UVRAG: variants seen among roughly 807,000 people sequenced by gnomAD.
UVRAG encodes UV radiation resistance associated.
In UVRAG, 19 loss-of-function variants were observed where a neutral mutation model predicts 78.0. The ratio of observed to expected loss-of-function variants is 0.24; its 90% confidence interval spans 0.17 to 0.36. The LOEUF (loss-of-function observed/expected upper bound fraction) is 0.36. Among genes scored for constraint, UVRAG ranks in the 10% least tolerant of loss-of-function variants. UVRAG has a pLI of 1.00. For synonymous variants in UVRAG, 323 were observed against 324.6 expected, an observed-to-expected ratio of 1.00 and a Z score of 0.05; for missense variants, 740 against 853.8, an observed-to-expected ratio of 0.87 and a Z score of 1.66.
chr11:75,887,674 C>A (rs1394825684), intron 4 of UVRAG, among the ~76,000 whole-genome samples: 4 of 152,044 alleles, frequency 2.6e-5, no homozygotes, highest in African/African-American at 9.7e-5. Flanking sequence ...GTCTCGATCT[C>A]CTGACCTCGT....
At chr11:76,051,098 A>C (rs1476445521) in intron 12 of UVRAG, among the ~76,000 whole-genome samples, 2 of 152,202 alleles carry the variant, frequency 1.3e-5, no homozygotes, top group Non-Finnish European at 2.9e-5. Flanking sequence ...TGATACGTTT[A>C]AGCAAATCAA....
rs555915226 is a variant in UVRAG, at chr11:75,969,341, A to G, written c.699+7792A>G. 3.9e-5 allele frequency among the ~76,000 whole-genome samples: 6 copies of G among 152,348 alleles called. No homozygotes were observed. In the South Asian group the frequency reaches 1.2e-3, roughly 32 times the overall value. On this transcript the variant is annotated intron_variant, in intron 7 of 14. Transcript: ENST00000356136. ...AAATTTCCTTCCTGATTAAAGCTGAATAATACTGCATTGTATGTATATACC... is the reference window on the plus strand; with the variant it reads ...AAATTTCCTTCCTGATTAAAGCTGAGTAATACTGCATTGTATGTATATACC...
chr11:75,948,627 A>G (rs1401348699), intron 6 of UVRAG, among the ~76,000 whole-genome samples: 3 of 152,190 alleles, frequency 2.0e-5, no homozygotes, highest in Non-Finnish European at 4.4e-5. Flanking sequence ...TTAGTGTAGA[A>G]AAATGTAGAT....
intron 14 of UVRAG, 113 bp downstream of exon 14, chr11:76,116,128 G>C (rs756878168): frequency 2.0e-4 from 195 of 984,388 alleles, no homozygotes; most frequent in Non-Finnish European, 2.7e-4. Context: ...TCTGTAATGA[G>C]ATATGGGAGG....
At chr11:75,848,196 CAAAAAAAAAAAA>C (rs367973408) in intron 1 of UVRAG, among the ~76,000 whole-genome samples, 11,416 of 116,402 alleles carry the variant, frequency 0.098, 1,404 homozygotes, top group African/African-American at 0.31. Flanking sequence ...GACCCTGTCT[CAAAAAAAAAAAA>C]AAAGTTTCTT....
chr11:76,101,466 C>A (rs1248209063), intron 13 of UVRAG, among the ~76,000 whole-genome samples: 1 of 150,384 alleles, frequency 6.6e-6, no homozygotes, highest in East Asian at 2.0e-4. Context: ...TTTTCTCTTG[C>A]AAATTTGTTT....
At chr11:75,907,994 A>G (rs925005659) in intron 5 of UVRAG, among the ~76,000 whole-genome samples, 1 of 152,316 alleles carries the variant, frequency 6.6e-6, no homozygotes, top group East Asian at 1.9e-4. Context: ...CTGTTGTGCA[A>G]CCATTGCCAC....
chr11:75,949,137 G>A (rs535658134), intron 6 of UVRAG, among the ~76,000 whole-genome samples: 19 of 152,230 alleles, frequency 1.2e-4, no homozygotes, highest in African/African-American at 4.1e-4. Flanking sequence ...TAATTAAGTC[G>A]TTGCTGCTAA....
At chr11:75,863,921 C>A (rs1946479648) in intron 3 of UVRAG, among the ~76,000 whole-genome samples, 1 of 152,122 alleles carries the variant, frequency 6.6e-6, no homozygotes, top group South Asian at 2.1e-4. Flanking sequence ...GTCTTTATAT[C>A]CCCTTAGTTC....
chr11:75,928,939 C>CAAAAAAAAAAAAA (rs368913080), intron 6 of UVRAG, among the ~76,000 whole-genome samples: 13 of 67,490 alleles, frequency 1.9e-4, no homozygotes, highest in African/African-American at 1.0e-3. Context: ...GAGACTGTCT[C>CAAAAAAAAAAAAA]AAAAAAAAAA....
At position 76,116,135 on chromosome 11, in the gene UVRAG, G is replaced by A. The variant is rs958755401; in HGVS notation, c.1397+120G>A. The A allele has an allele frequency of 4.2e-6, 4 of 944,920 alleles. No individual in the cohort carries two copies. In the East Asian group the frequency reaches 1.1e-4, roughly 25 times the overall value. 58.5% of individuals were successfully genotyped at this position (944,920 alleles called of 1,614,324 possible). On this transcript the variant is annotated intron_variant, in intron 14 of 14. Transcript: ENST00000356136. Reference sequence around the variant, plus strand: ...AGTTTTCTTCTGTAATGAGATATGGGAGGAAAATGAAAGGCGCCATCACAG... The same window carrying A: ...AGTTTTCTTCTGTAATGAGATATGGAAGGAAAATGAAAGGCGCCATCACAG...
chr11:75,963,865 T>C (rs949332097), intron 7 of UVRAG, among the ~76,000 whole-genome samples: 2 of 152,162 alleles, frequency 1.3e-5, no homozygotes, highest in Non-Finnish European at 2.9e-5. Context: ...CTCACTATGT[T>C]GTCTGGGCTG....
rs549599896 is a variant in UVRAG, at chr11:75,868,764, G to A, written c.270+6984G>A. Among the ~76,000 whole-genome samples the A allele has an allele frequency of 3.3e-5, 5 of 152,256 alleles. No individual in the cohort carries two copies. The East Asian group carries it at 9.7e-4, about 29-fold the overall frequency. Reference sequence around the variant, plus strand: ...AAGTTGGTTTCTCATGTTTATAAAAGAGATTAATTATATTGCAAACCCACA... The same window carrying A: ...AAGTTGGTTTCTCATGTTTATAAAAAAGATTAATTATATTGCAAACCCACA... On this transcript the variant is annotated intron_variant, in intron 3 of 14. Transcript: ENST00000356136.
chr11:75,928,382 G>A (rs573668046), intron 6 of UVRAG, among the ~76,000 whole-genome samples: 1 of 152,170 alleles, frequency 6.6e-6, no homozygotes, highest in Non-Finnish European at 1.5e-5. Flanking sequence ...GGAGAAGGAC[G>A]GCTAATGAGG....
Position 76,143,463 on chromosome 11 carries a change from T to C in UVRAG, c.*2050T>C, listed in dbSNP as rs1284256927. Among the ~76,000 whole-genome samples the C allele has an allele frequency of 6.6e-6, 1 of 152,238 alleles. No homozygotes were observed. The highest frequency in any genetic ancestry group is 1.5e-5 in the Non-Finnish European group (1 of 68,052). On this transcript the variant is annotated 3_prime_UTR_variant, in exon 15 of 15. Coordinates refer to ENST00000356136, the MANE Select transcript of UVRAG (RefSeq NM_003369.4). ...ACCGCTGTGCAGACTCCCTGGTTGA[T>C]CCTGGGCTTGTGGCTTTTCACCGCA...
chr11:76,118,429 T>C (rs1163258451), intron 14 of UVRAG, among the ~76,000 whole-genome samples: 1 of 152,228 alleles, frequency 6.6e-6, no homozygotes, highest in African/African-American at 2.4e-5. Flanking sequence ...GGAGCAGTGA[T>C]AGTGGGTATC....
At chr11:75,926,445 A>C (rs1292200135) in intron 6 of UVRAG, among the ~76,000 whole-genome samples, 1 of 152,224 alleles carries the variant, frequency 6.6e-6, no homozygotes, top group African/African-American at 2.4e-5. Flanking sequence ...TTTGATTCTA[A>C]TGACAGAGTT....
chr11:75,985,154 C>CTTTTTTTTTTTTTTTTTT (rs796594987), intron 8 of UVRAG, among the ~76,000 whole-genome samples: 19 of 128,512 alleles, frequency 1.5e-4, no homozygotes, highest in South Asian at 2.4e-4. Context: ...AATTTCTTTT[C>CTTTTTTTTTTTTTTTTTT]TTTTTTTTTT....
intron 12 of UVRAG, among the ~76,000 whole-genome samples, chr11:76,021,915 G>A (rs566261637): frequency 7.2e-5 from 11 of 152,230 alleles, no homozygotes; most frequent in Admixed American, 1.3e-4. Flanking sequence ...TTAGCTGAGC[G>A]TGGTGGTGTG....
Sources: allele counts gnomAD v4.1 joint callset (sites outside exome capture counted in the v4.1 genomes callset), GRCh38; gene constraint gnomAD v4.1.1; transcripts MANE v1.5; gene names NCBI Gene and HGNC (gene_info 2026-07-23, HGNC 2026-07-21).